RSPH6A: variants seen among roughly 807,000 people sequenced by gnomAD.
RSPH6A encodes radial spoke head protein 6 homolog A.
In RSPH6A, 49 loss-of-function variants were observed where a neutral mutation model predicts 66.1. The observed-to-expected ratio is 0.74, with a 90% CI of 0.59 to 0.94. The LOEUF (loss-of-function observed/expected upper bound fraction) is 0.94. Among genes scored for constraint, RSPH6A ranks in the 40% least tolerant of loss-of-function variants. The pLI is 0.00. For synonymous variants in RSPH6A, 419 were observed against 402.4 expected (o/e 1.04, Z -0.49); for missense variants, 977 against 948.3 (o/e 1.03, Z -0.40).
At chr19:45,814,182 T>A (rs1970667603) in intron 1 of RSPH6A, among the ~76,000 whole-genome samples, 1 of 151,876 alleles carries the variant, frequency 6.6e-6, no homozygotes. Context: ...GCAAGAGGGC[T>A]TGGGGAGCCA....
Position 45,802,166 on chromosome 19 carries a change from C to T in RSPH6A, c.1752G>A (p.Glu584=), listed in dbSNP as rs745544167. Residue 584 remains glutamate (E), a synonymous_variant, in exon 4 of 6, where the codon GAG becomes GAA. Coordinates refer to ENST00000221538, the MANE Select transcript of RSPH6A (RefSeq NM_030785.4). ...TTAGCAGTGGGGGGCCAACCTCCTG[C>T]TCCACCTCCTCTGGCCCCTCATCTG... ...EKADEGPEEV[E]QEVGPPLLTP... The T allele has an allele frequency of 2.6e-6, 4 of 1,562,376 alleles. No individual in the cohort carries two copies. The highest frequency in any genetic ancestry group is 1.7e-6 in the Non-Finnish European group (2 of 1,149,944).
rs762022460 is a variant in RSPH6A, at chr19:45,795,881, C to G, written c.2142G>C (p.Glu714Asp). ...TAGAGGGTGGGCCTCAGTCATCTGT[C>G]TCCTCGCCCTCCTCCTCCTCCTCGC... is the stretch of plus-strand genomic sequence containing the variant. ...EEGEEEEEGE[E>D]TDD is the part of the protein sequence containing the mutation. The change falls in exon 6 of 6, where the codon GAG becomes GAC. Residue 714 changes from glutamate to aspartate, a missense_variant. Glu to Asp is a conservative substitution (Grantham distance 45, BLOSUM62 2). Coordinates refer to ENST00000221538, the MANE Select transcript of RSPH6A (RefSeq NM_030785.4). The G allele has an allele frequency of 6.4e-7, 1 of 1,573,760 alleles. No individual in the cohort carries two copies.
At chr19:45,797,812 G>A (rs1970424532) in intron 5 of RSPH6A, among the ~76,000 whole-genome samples, 2 of 151,906 alleles carry the variant, frequency 1.3e-5, no homozygotes, top group South Asian at 4.2e-4. Context: ...AGGTTGCAGT[G>A]AGCTGAGATC....
rs1970693905 is a variant in RSPH6A, at chr19:45,815,258, GTTTCT to G, written c.-87_-83del. ...CGAGAGCCACCTGTCGACACCGCCG[GTTTCT>G]GAGCACCGAGAGAGGGGGCCGTTAC... On this transcript the variant is annotated 5_prime_UTR_variant, in exon 1 of 6. Coordinates refer to ENST00000221538, the MANE Select transcript of RSPH6A (RefSeq NM_030785.4). The G allele has an allele frequency of 2.2e-6, 3 of 1,391,532 alleles. No individual in the cohort carries two copies. The highest frequency in any genetic ancestry group is 2.8e-6 in the Non-Finnish European group (3 of 1,053,430). 86.2% of individuals were successfully genotyped at this position (1,391,532 alleles called of 1,614,324 possible).
chr19:45,804,139 C>G lies in RSPH6A; in HGVS notation c.1653+113G>C. The G allele has an allele frequency of 1.2e-6, 1 of 805,346 alleles. No individual in the cohort carries two copies. Among genetic ancestry groups the G allele is most frequent in the South Asian group, 1.8e-5 (1 of 54,312 alleles). The allele number at this position is 805,346 out of a possible 1,614,324, so 49.9% of individuals were successfully genotyped here. A position where few individuals can be genotyped will look rare whatever the true frequency, so the allele number is the denominator to read the frequency against. On this transcript the variant is annotated intron_variant, in intron 3 of 5. Transcript: ENST00000221538. This position sits in a 1 kb window ranked among gnomAD's most constrained non-coding sequence, Gnocchi z 5.8. ...ACCAATGAATGGATGGATGAATGAA[C>G]GAATGAATATTAGTTGCCCAGCAGA...
chr19:45,806,866 C>T (rs1346428856), intron 2 of RSPH6A, among the ~76,000 whole-genome samples: 1 of 151,698 alleles, frequency 6.6e-6, no homozygotes, highest in Non-Finnish European at 1.5e-5. Context: ...TATTATTCAA[C>T]CAGTCCCAAA....
intron 1 of RSPH6A, among the ~76,000 whole-genome samples, chr19:45,812,368 C>T (rs562980158): frequency 2.0e-5 from 3 of 152,198 alleles, no homozygotes; most frequent in South Asian, 4.2e-4. Flanking sequence ...GGATTACAGG[C>T]GTGAGCCACC....
At chr19:45,805,367 G>C (rs1970531091) in intron 2 of RSPH6A, among the ~76,000 whole-genome samples, 1 of 151,336 alleles carries the variant, frequency 6.6e-6, no homozygotes, top group Admixed American at 6.6e-5. Context: ...ACGCACTCCA[G>C]CCTGAGCAAC....
In RSPH6A at chr19:45,804,948, G is replaced by T; in HGVS notation, c.957C>A (p.Ser319Arg). Residue 319 changes from serine to arginine, a missense_variant, in exon 3 of 6, where the codon AGC (serine) becomes AGA (arginine). Physicochemically the swap from Ser to Arg is moderately radical, Grantham distance 110 (BLOSUM62 -1). Transcript: ENST00000221538. The surrounding 1 kb of genome is among the most constrained non-coding windows in gnomAD (Gnocchi z 5.8). ...GGAAAATGCGGAAGCTCTCGTCCGA[G>T]CTCAGGCCGACGCCGGCCTGCTCGA... ...FYFEQAGVGL[S>R]SDESFRIFLA... 6.2e-7 allele frequency: 1 copy of T among 1,614,142 alleles called. No individual in the cohort carries two copies. Among genetic ancestry groups the T allele is most frequent in the Non-Finnish European group, 8.5e-7 (1 of 1,180,036 alleles).
At position 45,815,172 on chromosome 19, in the gene RSPH6A, C is replaced by T; in HGVS notation, c.5G>A (p.Gly2Glu). 1 of 1,598,260 alleles carries T rather than the reference C, an allele frequency of 6.3e-7. No homozygotes were observed. Among genetic ancestry groups the T allele is most frequent in the Non-Finnish European group, 8.5e-7 (1 of 1,175,606 alleles). Residue 2 changes from glycine (G) to glutamate (E), a missense_variant, in exon 1 of 6, where the codon GGA (glycine) becomes GAA (glutamate). By Grantham distance (98) the Gly-to-Glu change is moderately conservative. Coordinates refer to ENST00000221538, the MANE Select transcript of RSPH6A (RefSeq NM_030785.4). ...GCGCTCAGGGTAGGGCGGCAGGTCT[C>T]CCATGGTTCGCCAGGAGGCACAGAT... M[G>E]DLPPYPERPA...
chr19:45,804,787 T>TC lies in RSPH6A; in HGVS notation c.1117dup (p.Glu373GlyfsTer33). 1 of 1,610,506 alleles carries TC rather than the reference T, an allele frequency of 6.2e-7. No homozygotes were observed. Among genetic ancestry groups the TC allele is most frequent in the Non-Finnish European group, 8.5e-7 (1 of 1,177,658 alleles). On this transcript the variant is annotated frameshift_variant, in exon 3 of 6. Coordinates refer to ENST00000221538, the MANE Select transcript of RSPH6A (RefSeq NM_030785.4). LOFTEE classifies it high-confidence loss of function. This position sits in a 1 kb window ranked among gnomAD's most constrained non-coding sequence, Gnocchi z 5.8. ...GCCACCTTCCGTCATCTCCTCCACC[T>TC]CCTCCTCCTCTGCCTCCTCCTCGCC...
rs554292331 is a variant in RSPH6A, at chr19:45,800,336, T to G, written c.1916+110A>C. 3.2e-6 allele frequency: 3 copies of G among 925,578 alleles called. No individual in the cohort carries two copies. In the African/African-American group the frequency reaches 5.0e-5, roughly 15 times the overall value. 57.3% of individuals were successfully genotyped at this position (925,578 alleles called of 1,614,324 possible). A position where few individuals can be genotyped will look rare whatever the true frequency, so the allele number is the denominator to read the frequency against. On this transcript the variant is annotated intron_variant, in intron 5 of 5. Transcript: ENST00000221538. ...GAGGGCATTAGTCCTTGGGGCTTCC[T>G]GAAGGGGGCCCTCCCCATCTCTGCC...
rs201397109 is a variant in RSPH6A, at chr19:45,815,177, G to A, written c.-1C>T. On this transcript the variant is annotated 5_prime_UTR_variant, in exon 1 of 6. Transcript: ENST00000221538. ...CAGGGTAGGGCGGCAGGTCTCCCAT[G>A]GTTCGCCAGGAGGCACAGATCTCTA... 136 of 1,594,464 alleles carry A rather than the reference G, an allele frequency of 8.5e-5. No homozygotes were observed. In the African/African-American group the frequency reaches 1.8e-3, roughly 21 times the overall value.
At chr19:45,810,906 A>ATGTGCCTGGACC (rs2146289197) in intron 1 of RSPH6A, 66 bp from the exon 2 acceptor site, 5 of 1,397,194 alleles carry the variant, frequency 3.6e-6, no homozygotes, top group Non-Finnish European at 4.9e-6. Context: ...GCTGGCTCCC[A>ATGTGCCTGGACC]TGTGCCTGGC....
intron 4 of RSPH6A, 30 bp downstream of exon 4, chr19:45,802,090 G>A (rs761280591): frequency 7.1e-7 from 1 of 1,408,256 alleles, no homozygotes; most frequent in South Asian, 1.8e-5. Flanking sequence ...TCCCCAGCCA[G>A]TGGTGTACAG....
Position 45,814,784 on chromosome 19 carries a change from G to C in RSPH6A, c.393C>G (p.Phe131Leu), listed in dbSNP as rs369919857. The C allele has an allele frequency of 1.6e-5, 26 of 1,613,876 alleles. No homozygotes were observed. The highest frequency in any genetic ancestry group is 2.1e-5 in the Non-Finnish European group (25 of 1,179,858). Reference protein sequence around the residue: ...QRLQQGQSSLFQQLDPTFQEP... With the variant: ...QRLQQGQSSLLQQLDPTFQEP... Reference sequence around the variant, plus strand: ...CCTGGAAGGTGGGGTCCAGTTGCTGGAACAGGCTGCTTTGGCCCTGCTGGA... The same window carrying C: ...CCTGGAAGGTGGGGTCCAGTTGCTGCAACAGGCTGCTTTGGCCCTGCTGGA... The change falls in exon 1 of 6, where the codon TTC (phenylalanine) becomes TTG (leucine). Residue 131 changes from phenylalanine to leucine, a missense_variant. Transcript: ENST00000221538.
Position 45,803,693 on chromosome 19 carries a change from G to GAA in RSPH6A, c.1653+557_1653+558dup, listed in dbSNP as rs372215678. On this transcript the variant is annotated intron_variant, in intron 3 of 5. Transcript: ENST00000221538. ...ATTCTGTCTCAAAAAGAAAAGAAAA[G>GAA]AAAAAAAAAAAAAACCAGCCAGGGC... is the stretch of plus-strand genomic sequence containing the variant. 3.6e-3 allele frequency among the ~76,000 whole-genome samples: 495 copies of GAA among 136,006 alleles called. 7 individuals carry two copies. Among genetic ancestry groups the GAA allele is most frequent in the African/African-American group, 8.0e-3 (299 of 37,484 alleles). 89.2% of individuals were successfully genotyped at this position (136,006 alleles called of 152,430 possible). A position where few individuals can be genotyped will look rare whatever the true frequency, so the allele number is the denominator to read the frequency against.
chr19:45,800,580 G>A lies in RSPH6A; in HGVS notation c.1799-17C>T. On this transcript the variant is annotated splice_polypyrimidine_tract_variant and intron_variant, in intron 4 of 5. Transcript: ENST00000221538. ...GCATGATTTCTGTGGTGGAGAGGCA[G>A]CAGAGGGGGGCAGCAGGGTCAGGGA... 1.3e-6 allele frequency: 2 copies of A among 1,599,444 alleles called. No individual in the cohort carries two copies. Among genetic ancestry groups the A allele is most frequent in the Non-Finnish European group, 1.7e-6 (2 of 1,171,234 alleles).
rs140953214 is a variant in RSPH6A, at chr19:45,804,152, G to A, written c.1653+100C>T. The A allele has an allele frequency of 3.5e-5, 31 of 886,610 alleles. No individual in the cohort carries two copies. The African/African-American group carries it at 4.7e-4, about 13-fold the overall frequency. 54.9% of individuals were successfully genotyped at this position (886,610 alleles called of 1,614,324 possible). A position where few individuals can be genotyped will look rare whatever the true frequency, so the allele number is the denominator to read the frequency against. Reference sequence around the variant, plus strand: ...TGGATGAATGAACGAATGAATATTAGTTGCCCAGCAGAGAGTAAGAGCTTG... The same window carrying A: ...TGGATGAATGAACGAATGAATATTAATTGCCCAGCAGAGAGTAAGAGCTTG... On this transcript the variant is annotated intron_variant, in intron 3 of 5. Transcript: ENST00000221538. The surrounding 1 kb of genome is among the most constrained non-coding windows in gnomAD (Gnocchi z 5.8).
Sources: allele counts gnomAD v4.1 joint callset (sites outside exome capture counted in the v4.1 genomes callset), GRCh38; gene constraint gnomAD v4.1.1; non-coding constraint Gnocchi (gnomAD v3.1); transcripts MANE v1.5; gene names NCBI Gene and HGNC (gene_info 2026-07-23, HGNC 2026-07-21).